ELF2: variants seen among roughly 807,000 people sequenced by gnomAD.
ELF2 encodes the protein ETS-related transcription factor Elf-2.
ELF2 carries 11 observed loss-of-function variants against 54.8 expected under a neutral mutation model. The ratio of observed to expected loss-of-function variants is 0.20; its 90% CI spans 0.13 to 0.33. ELF2 has a LOEUF of 0.33. Among genes scored for constraint, ELF2 ranks in the 10% least tolerant of loss-of-function variants. The probability of loss-of-function intolerance (pLI) is 1.00; values close to 1 mark genes in which losing one functional copy is unlikely to be tolerated. For missense variants in ELF2, 513 were observed against 703.0 expected (o/e 0.73, Z 3.06); for synonymous variants, 203 against 245.1 (o/e 0.83, Z 1.61).
At chr4:139,129,940 C>A (rs1322426187) in intron 3 of ELF2, among the ~76,000 whole-genome samples, 4 of 152,078 alleles carry the variant, frequency 2.6e-5, no homozygotes, top group Non-Finnish European at 4.4e-5. Flanking sequence ...TGAATTGTGT[C>A]CCCCAAAAAG....
intron 1 of ELF2, among the ~76,000 whole-genome samples, chr4:139,157,937 C>T (rs759652165): frequency 1.2e-4 from 19 of 152,174 alleles, no homozygotes; most frequent in Non-Finnish European, 2.1e-4. Flanking sequence ...TCAGAAGATT[C>T]TAAATATACT....
At chr4:139,165,881 T>A (rs1741668464) in intron 1 of ELF2, among the ~76,000 whole-genome samples, 1 of 152,168 alleles carries the variant, frequency 6.6e-6, no homozygotes, top group South Asian at 2.1e-4. Context: ...TCCAAAAGTA[T>A]ATAAAACTCT....
intron 4 of ELF2, among the ~76,000 whole-genome samples, chr4:139,099,467 A>G (rs1205089647): frequency 1.3e-5 from 2 of 152,234 alleles, no homozygotes; most frequent in East Asian, 3.8e-4. Flanking sequence ...AATATAGTCA[A>G]GTAAAACTTC....
chr4:139,097,674 C>G (rs1215268999), intron 4 of ELF2, among the ~76,000 whole-genome samples: 1 of 150,762 alleles, frequency 6.6e-6, no homozygotes, highest in Non-Finnish European at 1.5e-5. Flanking sequence ...TGTTATTTAG[C>G]TATAAGTATT....
intron 4 of ELF2, among the ~76,000 whole-genome samples, chr4:139,077,900 T>TA (rs1730547035): frequency 6.6e-6 from 1 of 152,188 alleles, no homozygotes; most frequent in South Asian, 2.1e-4. Flanking sequence ...ACAATGAAGC[T>TA]AAAAGTAGTC....
At chr4:139,174,398 C>A (rs759392235) in intron 1 of ELF2, among the ~76,000 whole-genome samples, 1 of 151,990 alleles carries the variant, frequency 6.6e-6, no homozygotes, top group Non-Finnish European at 1.5e-5. Flanking sequence ...GATAGAAAGT[C>A]GATCAGTGGT....
At chr4:139,064,240 G>A (rs1309014842) in intron 7 of ELF2, among the ~76,000 whole-genome samples, 7 of 152,098 alleles carry the variant, frequency 4.6e-5, no homozygotes, top group Non-Finnish European at 5.9e-5. Context: ...CCCAGGAGGC[G>A]GATGTTGCAG....
rs1738494963 is a variant in ELF2, at chr4:139,139,479, A to G, written c.-233T>C. The G allele has an allele frequency of 1.6e-6, 2 of 1,229,418 alleles. No individual in the cohort carries two copies. The highest frequency in any genetic ancestry group is 1.6e-5 in the African/African-American group (1 of 64,338). 76.2% of individuals were successfully genotyped at this position (1,229,418 alleles called of 1,614,324 possible). On this transcript the variant is annotated 5_prime_UTR_variant, in exon 2 of 10. Transcript: ENST00000686138. ...ACAACTTGGGAAGAGCTAAAATCTG[A>G]ACCAGTAGTTCTTTGGAACTGCCAG...
intron 4 of ELF2, chr4:139,084,457 G>GGCT: frequency 8.7e-7 from 1 of 1,150,712 alleles, no homozygotes; most frequent in Non-Finnish European, 1.1e-6. Context: ...CGGCGGCGGC[G>GGCT]GCGGCTGTGG....
chr4:139,170,528 C>T (rs1216044286), intron 1 of ELF2, among the ~76,000 whole-genome samples: 1 of 151,350 alleles, frequency 6.6e-6, no homozygotes, highest in African/African-American at 2.4e-5. Flanking sequence ...TCCCAAAGTG[C>T]TGGGATTACA....
chr4:139,137,495 A>G (rs1738306430), intron 3 of ELF2, 135 bp downstream of exon 3: 3 of 858,072 alleles, frequency 3.5e-6, no homozygotes, highest in East Asian at 2.6e-5. Flanking sequence ...TTATATAAGG[A>G]TACACGACAT....
intron 1 of ELF2, among the ~76,000 whole-genome samples, chr4:139,147,106 C>A (rs1043720738): frequency 6.6e-6 from 1 of 152,128 alleles, no homozygotes; most frequent in Non-Finnish European, 1.5e-5. Context: ...AGACAACCCA[C>A]AGAATGGGAG....
At chr4:139,091,703 T>C (rs1037798557) in intron 4 of ELF2, among the ~76,000 whole-genome samples, 6 of 151,942 alleles carry the variant, frequency 3.9e-5, no homozygotes, top group African/African-American at 1.5e-4. Context: ...TGGTCTCGAA[T>C]TGCTGGATAC....
chr4:139,068,734 AT>A (rs1729086602), intron 6 of ELF2, among the ~76,000 whole-genome samples: 2 of 152,218 alleles, frequency 1.3e-5, no homozygotes, highest in African/African-American at 4.8e-5. Context: ...ACGAAAGAGG[AT>A]TAAGCCTGAA....
rs1470807908 is a variant in ELF2, at chr4:139,057,326, G to T, written c.*1657C>A. Reference sequence around the variant, plus strand: ...AGTTTAAAAGATTACAAAGGGAACTGTTATAAACAATTTCTGACCTAAGTA... The same window carrying T: ...AGTTTAAAAGATTACAAAGGGAACTTTTATAAACAATTTCTGACCTAAGTA... On this transcript the variant is annotated 3_prime_UTR_variant, in exon 10 of 10. Coordinates refer to ENST00000686138, the MANE Select transcript of ELF2 (RefSeq NM_001331036.3). 6.6e-6 allele frequency: 1 copy of T among 152,188 alleles called. No homozygotes were observed. The highest frequency in any genetic ancestry group is 2.4e-5 in the African/African-American group (1 of 41,444). 9.4% of individuals were successfully genotyped at this position (152,188 alleles called of 1,614,324 possible).
intron 4 of ELF2, among the ~76,000 whole-genome samples, chr4:139,089,588 A>G (rs1235876959): frequency 6.6e-6 from 1 of 152,228 alleles, no homozygotes; most frequent in Non-Finnish European, 1.5e-5. Context: ...GTATTATTTT[A>G]CATGCTCTAG....
chr4:139,176,841 C>G (rs1043194836), intron 1 of ELF2, 126 bp downstream of exon 1: 1 of 152,276 alleles, frequency 6.6e-6, no homozygotes, highest in African/African-American at 2.4e-5. Context: ...CTCCGCAAAC[C>G]CCGAAGCAAA....
chr4:139,142,423 G>T (rs1009442629), intron 1 of ELF2, among the ~76,000 whole-genome samples: 1 of 150,856 alleles, frequency 6.6e-6, no homozygotes, highest in Non-Finnish European at 1.5e-5. Context: ...TGAAGAAGAG[G>T]ACAGAAAGGT....
intron 4 of ELF2, among the ~76,000 whole-genome samples, chr4:139,079,944 T>C (rs2148718916): frequency 6.6e-6 from 1 of 152,328 alleles, no homozygotes; most frequent in South Asian, 2.1e-4. Context: ...AAAATTATGA[T>C]TCTGTAAGTA....
Sources: allele counts gnomAD v4.1 joint callset (sites outside exome capture counted in the v4.1 genomes callset), GRCh38; gene constraint gnomAD v4.1.1; transcripts MANE v1.5; gene names NCBI Gene and HGNC (gene_info 2026-07-23, HGNC 2026-07-21).